The following MSRB3 variants were observed in gnomAD, a reference collection of about 807,000 sequenced individuals.
MSRB3 encodes the protein methionine-R-sulfoxide reductase B3.
In MSRB3, 13 loss-of-function variants were observed where a neutral mutation model predicts 21.0. The ratio of observed to expected loss-of-function variants is 0.62; its 90% CI spans 0.40 to 0.98. The LOEUF (loss-of-function observed/expected upper bound fraction) is 0.98, where lower values mean the gene tolerates loss of function less well. MSRB3 is among the 50% of genes least tolerant of loss of function. MSRB3 has a pLI of 0.00. For synonymous variants in MSRB3, 87 were observed against 88.6 expected, an observed-to-expected ratio of 0.98 and a Z score of 0.10; for missense variants, 199 against 230.3, an observed-to-expected ratio of 0.86 and a Z score of 0.88.
chr12:65,347,050 A>G (rs1876564537), intron 4 of MSRB3, among the ~76,000 whole-genome samples: 1 of 152,094 alleles, frequency 6.6e-6, no homozygotes. Flanking sequence ...TTGGCTTAGG[A>G]TTGCCTTGGC....
intron 1 of MSRB3, among the ~76,000 whole-genome samples, chr12:65,301,534 C>T (rs1024424119): frequency 9.9e-5 from 15 of 152,028 alleles, no homozygotes; most frequent in Admixed American, 5.9e-4. Flanking sequence ...TACCATGTTA[C>T]GAAATGTTTC....
intron 5 of MSRB3, among the ~76,000 whole-genome samples, chr12:65,429,583 C>T (rs1210093754): frequency 6.6e-6 from 1 of 152,150 alleles, no homozygotes. Context: ...CCTTATCCTC[C>T]AGCATATCCT....
intron 1 of MSRB3, among the ~76,000 whole-genome samples, chr12:65,303,464 C>T (rs533064757): frequency 6.6e-6 from 1 of 152,156 alleles, no homozygotes; most frequent in East Asian, 1.9e-4. Context: ...CAACTTCCCA[C>T]CTCTTCATAG....
At chr12:65,441,756 G>C (rs1291116863) in intron 5 of MSRB3, among the ~76,000 whole-genome samples, 1 of 151,934 alleles carries the variant, frequency 6.6e-6, no homozygotes, top group Admixed American at 6.6e-5. Context: ...TAAAAAGAAG[G>C]GGTGGTAATA....
intron 5 of MSRB3, among the ~76,000 whole-genome samples, chr12:65,374,237 T>C (rs924455476): frequency 7.2e-5 from 11 of 152,224 alleles, no homozygotes; most frequent in African/African-American, 2.7e-4. Context: ...TAAATATTTA[T>C]ATAAGAATAT....
chr12:65,281,329 A>G (rs974255056), intron 1 of MSRB3, among the ~76,000 whole-genome samples: 1 of 152,130 alleles, frequency 6.6e-6, no homozygotes. Context: ...ATTAAGTTGG[A>G]CAGTTTCCAT....
At chr12:65,429,359 G>A (rs1362210287) in intron 5 of MSRB3, among the ~76,000 whole-genome samples, 1 of 152,092 alleles carries the variant, frequency 6.6e-6, no homozygotes, top group African/African-American at 2.4e-5. Context: ...CACACAAAGA[G>A]CTTGGGGGAG....
intron 5 of MSRB3, among the ~76,000 whole-genome samples, chr12:65,440,571 C>T (rs191380812): frequency 9.2e-5 from 14 of 151,798 alleles, no homozygotes; most frequent in Middle Eastern, 3.4e-3. Context: ...AAAAGGAAGC[C>T]AAATATCAAA....
intron 4 of MSRB3, among the ~76,000 whole-genome samples, chr12:65,333,892 A>G (rs891438328): frequency 6.6e-6 from 1 of 152,222 alleles, no homozygotes; most frequent in Admixed American, 6.5e-5. Flanking sequence ...GTAGTTGTTG[A>G]TCACATGCAT....
chr12:65,280,053 ATC>A (rs1208205517), intron 1 of MSRB3, among the ~76,000 whole-genome samples: 1 of 152,136 alleles, frequency 6.6e-6, no homozygotes, highest in African/African-American at 2.4e-5. Flanking sequence ...TCTCTGGTTT[ATC>A]TCTTCATATT....
chr12:65,302,013 T>C (rs1333312448), intron 1 of MSRB3, among the ~76,000 whole-genome samples: 1 of 152,138 alleles, frequency 6.6e-6, no homozygotes, highest in Non-Finnish European at 1.5e-5. Context: ...GTCATTTTTA[T>C]AAATTATTTA....
At chr12:65,290,993 T>C (rs1184880476) in intron 1 of MSRB3, among the ~76,000 whole-genome samples, 1 of 152,200 alleles carries the variant, frequency 6.6e-6, no homozygotes, top group Non-Finnish European at 1.5e-5. Flanking sequence ...GGCAGAGATG[T>C]ACCACAACTT....
Position 65,352,353 on chromosome 12 carries a change from T to C in MSRB3, c.264-16645T>C, listed in dbSNP as rs534548561. 3.6e-3 allele frequency among the ~76,000 whole-genome samples: 547 copies of C among 150,426 alleles called. 2 individuals carry two copies. The highest frequency in any genetic ancestry group is 8.9e-3 in the Admixed American group (136 of 15,228). ...CTATCTATGAGAAACCCACAGCCAATATCATACTGAATGGGCAAAAACTGG... is the reference window on the plus strand; with the variant it reads ...CTATCTATGAGAAACCCACAGCCAACATCATACTGAATGGGCAAAAACTGG... On this transcript the variant is annotated intron_variant, in intron 4 of 6. Transcript: ENST00000308259.
chr12:65,354,170 A>C, intron 4 of MSRB3, among the ~76,000 whole-genome samples: 1 of 151,746 alleles, frequency 6.6e-6, no homozygotes, highest in East Asian at 1.9e-4. Flanking sequence ...TTTTTCCTTC[A>C]TTTCAACTTT....
At chr12:65,302,348 T>C (rs1259489807) in intron 1 of MSRB3, among the ~76,000 whole-genome samples, 1 of 152,144 alleles carries the variant, frequency 6.6e-6, no homozygotes, top group East Asian at 1.9e-4. Context: ...CCACTCCCTC[T>C]CCTAAAGCTG....
intron 4 of MSRB3, among the ~76,000 whole-genome samples, chr12:65,339,189 T>C (rs1875978521): frequency 6.6e-6 from 1 of 152,214 alleles, no homozygotes. Flanking sequence ...CTATTTACAT[T>C]TTGGGATGGA....
At position 65,436,087 on chromosome 12, in the gene MSRB3, A is replaced by T. The variant is rs577884082; in HGVS notation, c.293-17641A>T. ...TGGAATATTCAGGCATAGGCTTTAG[A>T]TAAGGAGTTCTTAACCTGGGGTCCT... On this transcript the variant is annotated intron_variant, in intron 5 of 6. Transcript: ENST00000308259. 3.8e-4 allele frequency among the ~76,000 whole-genome samples: 57 copies of T among 151,910 alleles called. 1 individual carries two copies. In the South Asian group the frequency reaches 0.012, roughly 31 times the overall value.
chr12:65,331,909 A>T (rs1395263230), intron 4 of MSRB3, among the ~76,000 whole-genome samples: 1 of 152,230 alleles, frequency 6.6e-6, no homozygotes, highest in Non-Finnish European at 1.5e-5. Context: ...GGGCTGTGGG[A>T]TCTGGATGTG....
chr12:65,291,822 T>C (rs1168097213), intron 1 of MSRB3, among the ~76,000 whole-genome samples: 4 of 152,150 alleles, frequency 2.6e-5, no homozygotes, highest in Non-Finnish European at 5.9e-5. Flanking sequence ...TTTAGATCAT[T>C]ATGAGGAGTT....
Sources: gnomAD v4.1 joint callset for allele counts (sites outside exome capture counted in the v4.1 genomes callset) on GRCh38, gnomAD v4.1.1 for gene constraint, MANE v1.5 for transcripts, NCBI Gene and HGNC (gene_info 2026-07-23, HGNC 2026-07-21) for gene names.